HERC1: variants seen among roughly 807,000 people sequenced by gnomAD.
The protein encoded by HERC1 is HECT and RLD domain containing E3 ubiquitin protein ligase family member 1.
HERC1 carries 160 observed loss-of-function variants against 554.3 expected under a neutral mutation model. That is an observed-to-expected ratio of 0.29 (90% CI 0.25 to 0.33). HERC1 has a LOEUF of 0.33. Among genes scored for constraint, HERC1 ranks in the 10% least tolerant of loss-of-function variants. HERC1 has a pLI of 1.00. For missense variants in HERC1, 4,919 were observed against 5,918.5 expected (o/e 0.83, Z 5.54); for synonymous variants, 2,175 against 2,131.7 (o/e 1.02, Z -0.56).
intron 34 of HERC1, among the ~76,000 whole-genome samples, chr15:63,685,588 A>C (rs1169352587): frequency 1.3e-5 from 2 of 152,216 alleles, no homozygotes; most frequent in African/African-American, 4.8e-5. Context: ...CCTGTTGGTT[A>C]ATGAGATCTG....
In HERC1 at chr15:63,645,198, T is replaced by C. The variant is rs1002528623; in HGVS notation, c.11079-101A>G. On this transcript the variant is annotated intron_variant, in intron 56 of 77. Transcript: ENST00000443617. ...TTAAGATCTGATAGAACCACTGCAT[T>C]ATTTTTTAAACTTATTTGTAGTACA... is the stretch of plus-strand genomic sequence containing the variant. 16 of 897,886 alleles carry C rather than the reference T, an allele frequency of 1.8e-5. No homozygotes were observed. The African/African-American group carries it at 2.5e-4, about 14-fold the overall frequency. 55.6% of individuals were successfully genotyped at this position (897,886 alleles called of 1,614,324 possible). A position where few individuals can be genotyped will look rare whatever the true frequency, so the allele number is the denominator to read the frequency against.
intron 33 of HERC1, among the ~76,000 whole-genome samples, 200 bp downstream of exon 33, chr15:63,689,389 T>C (rs1342715696): frequency 3.3e-5 from 5 of 151,902 alleles, no homozygotes; most frequent in African/African-American, 4.8e-5. Context: ...CAGATAAAAA[T>C]GTGATTTAGG....
At chr15:63,795,456 A>G (rs1240132974) in intron 1 of HERC1, among the ~76,000 whole-genome samples, 1 of 152,204 alleles carries the variant, frequency 6.6e-6, no homozygotes, top group Non-Finnish European at 1.5e-5. Context: ...TCAGTTTAAT[A>G]TAAGAAAATT....
intron 34 of HERC1, among the ~76,000 whole-genome samples, chr15:63,681,344 G>A (rs1445744244): frequency 6.6e-6 from 1 of 152,040 alleles, no homozygotes; most frequent in Non-Finnish European, 1.5e-5. Context: ...TAGGACTACA[G>A]GTGTACACCA....
chr15:63,632,884 G>A, intron 67 of HERC1, 73 bp from the exon 68 acceptor site: 4 of 1,027,138 alleles, frequency 3.9e-6, no homozygotes, highest in Non-Finnish European at 4.3e-6. Flanking sequence ...CTAATGGCAT[G>A]TATCAAGAAC....
rs564705470 is a variant in HERC1 at position 63,792,589 on chromosome 15, G to C, written c.-26-16940C>G. Among the ~76,000 whole-genome samples the C allele has an allele frequency of 3.9e-5, 6 of 152,188 alleles. No homozygotes were observed. In the South Asian group the frequency reaches 1.2e-3, roughly 32 times the overall value. On this transcript the variant is annotated intron_variant, in intron 1 of 77. Coordinates refer to ENST00000443617, the MANE Select transcript of HERC1 (RefSeq NM_003922.4). ...CATTTTTCTTCATAATATATGGTGT[G>C]GTTTTAATGTAAAATAATATTTAGT...
chr15:63,733,216 G>A, intron 13 of HERC1, 71 bp from the exon 14 acceptor site: 3 of 999,664 alleles, frequency 3.0e-6, no homozygotes, highest in South Asian at 2.7e-5. Context: ...AAGGATCCCA[G>A]AAAAAAACTA....
chr15:63,721,920 G>T (rs2073838482), intron 19 of HERC1, among the ~76,000 whole-genome samples: 1 of 152,192 alleles, frequency 6.6e-6, no homozygotes, highest in Admixed American at 6.5e-5. Flanking sequence ...GAATGCAGTG[G>T]TGCAATCTTG....
chr15:63,718,083 GACACACACACAC>G lies in HERC1; in HGVS notation c.3978+479_3978+490del, dbSNP rs34069674. 0.024 allele frequency among the ~76,000 whole-genome samples: 1,829 copies of G among 75,658 alleles called. 22 individuals are homozygous for G. Among genetic ancestry groups the G allele is most frequent in the Middle Eastern group, 0.048 (6 of 126 alleles). 49.6% of individuals were successfully genotyped at this position (75,658 alleles called of 152,430 possible). A position where few individuals can be genotyped will look rare whatever the true frequency, so the allele number is the denominator to read the frequency against. On this transcript the variant is annotated intron_variant, in intron 21 of 77. Transcript: ENST00000443617. This position sits in a 1 kb window ranked among gnomAD's most constrained non-coding sequence, Gnocchi z 4.2. Reference sequence around the variant, plus strand: ...AGTATTTTTAAGGCAGCTATTATGTGACACACACACACACACACACACACACACACACACACA... The same window carrying G: ...AGTATTTTTAAGGCAGCTATTATGTGACACACACACACACACACACACACA...
At chr15:63,685,564 CT>C (rs943123403) in intron 34 of HERC1, among the ~76,000 whole-genome samples, 1 of 152,166 alleles carries the variant, frequency 6.6e-6, no homozygotes, top group African/African-American at 2.4e-5. Context: ...AGTCACATGG[CT>C]TTTTAAGATA....
At chr15:63,643,582 A>G (rs566115707) in intron 57 of HERC1, 32 bp from the exon 58 acceptor site, 13 of 1,456,558 alleles carry the variant, frequency 8.9e-6, no homozygotes, top group Middle Eastern at 3.5e-4. Context: ...ATGCATTAAA[A>G]TAAAGATAAA....
chr15:63,650,144 T>C (rs1269214310), intron 53 of HERC1, among the ~76,000 whole-genome samples: 1 of 152,146 alleles, frequency 6.6e-6, no homozygotes, highest in East Asian at 1.9e-4. Context: ...GGCTCATGCC[T>C]GTAATCCTAG....
At chr15:63,662,439 T>A (rs1181443120) in intron 44 of HERC1, among the ~76,000 whole-genome samples, 1 of 152,242 alleles carries the variant, frequency 6.6e-6, no homozygotes, top group South Asian at 2.1e-4. Flanking sequence ...TTCTCTTTCC[T>A]GTAGGACTTA....
intron 77 of HERC1, among the ~76,000 whole-genome samples, chr15:63,610,712 T>C (rs374893320): frequency 6.6e-6 from 1 of 152,172 alleles, no homozygotes; most frequent in African/African-American, 2.4e-5. Flanking sequence ...CAGGGAGGAA[T>C]AGCTTTGGCT....
At chr15:63,763,751 C>A (rs1046471803) in intron 3 of HERC1, among the ~76,000 whole-genome samples, 7 of 151,872 alleles carry the variant, frequency 4.6e-5, no homozygotes, top group African/African-American at 7.3e-5. Flanking sequence ...TAAGAAAATT[C>A]TTTACCTAGG....
chr15:63,652,026 A>G (rs2152892625), intron 52 of HERC1, among the ~76,000 whole-genome samples: 1 of 152,274 alleles, frequency 6.6e-6, no homozygotes, highest in Admixed American at 6.5e-5. Flanking sequence ...GCAGAGCGAG[A>G]CTCAGTCTCA....
At position 63,616,585 on chromosome 15, in the gene HERC1, G is replaced by C. The variant is rs778678229; in HGVS notation, c.13786C>G (p.Leu4596Val). ...MGVAIRTKKP[L>V]DLHLAPLVWK... is the part of the protein sequence containing the mutation. ...ACCAGAGGGGCCAAGTGGAGGTCCAGAGGCTTCTTTGTGCGAATGGCAACC... is the reference window on the plus strand; with the variant it reads ...ACCAGAGGGGCCAAGTGGAGGTCCACAGGCTTCTTTGTGCGAATGGCAACC... The change falls in exon 75 of 78, where the codon CTG becomes GTG. Residue 4596 changes from leucine to valine, a missense_variant. This residue lies in a region of HERC1 where 284 missense variants were observed against 294.1 expected (regional missense o/e 0.97). Transcript: ENST00000443617. 3 of 1,613,846 alleles carry C rather than the reference G, an allele frequency of 1.9e-6. No homozygotes were observed. Among genetic ancestry groups the C allele is most frequent in the Non-Finnish European group, 8.5e-7 (1 of 1,179,894 alleles).
At chr15:63,781,132 C>T (rs539223133) in intron 1 of HERC1, among the ~76,000 whole-genome samples, 1 of 152,190 alleles carries the variant, frequency 6.6e-6, no homozygotes, top group East Asian at 1.9e-4. Context: ...ACTAATAAAA[C>T]TGTCACAAAC....
In HERC1 at chr15:63,636,942, C is replaced by T. The variant is rs143161489; in HGVS notation, c.12232+563G>A. ...CAGATCACAATGAAAAGAACCTGAGCTTCTAGGAACTTGTTTTGAACTCAT... is the reference window on the plus strand; with the variant it reads ...CAGATCACAATGAAAAGAACCTGAGTTTCTAGGAACTTGTTTTGAACTCAT... On this transcript the variant is annotated intron_variant, in intron 64 of 77. Transcript: ENST00000443617. The T allele has an allele frequency of 6.8e-3, 2,145 of 317,106 alleles. 30 individuals are homozygous for T. The highest frequency in any genetic ancestry group is 0.029 in the African/African-American group (1,342 of 46,346). The allele number at this position is 317,106 out of a possible 1,614,324, so 19.6% of individuals were successfully genotyped here.
Sources: gnomAD v4.1 joint callset for allele counts (sites outside exome capture counted in the v4.1 genomes callset) on GRCh38, gnomAD v4.1.1 for gene constraint, gnomAD v4.1.1 regional missense constraint, Gnocchi (gnomAD v3.1) non-coding constraint, MANE v1.5 for transcripts, NCBI Gene and HGNC (gene_info 2026-07-23, HGNC 2026-07-21) for gene names.